The following PPFIA2 variants were observed in gnomAD, a reference collection of about 807,000 sequenced individuals.
PPFIA2 encodes the protein liprin-alpha-2.
A neutral mutation model predicts 175.5 loss-of-function variants in PPFIA2; 46 were observed. That is an observed-to-expected ratio of 0.26 (90% CI 0.21 to 0.34). The LOEUF is 0.34. PPFIA2 is among the 10% of genes least tolerant of loss of function. The probability of loss-of-function intolerance (pLI) is 1.00; values close to 1 mark genes in which losing one functional copy is unlikely to be tolerated. For synonymous variants in PPFIA2, 568 were observed against 511.4 expected (o/e 1.11, Z -1.49); for missense variants, 1,179 against 1,506.1 (o/e 0.78, Z 3.60).
chr12:81,349,673 C>T (rs544489313), intron 17 of PPFIA2, among the ~76,000 whole-genome samples: 11 of 152,162 alleles, frequency 7.2e-5, no homozygotes, highest in South Asian at 2.1e-4. Context: ...TTATGCTGTA[C>T]ACAGAAATTT....
At chr12:81,350,869 G>A (rs1225174181) in intron 17 of PPFIA2, among the ~76,000 whole-genome samples, 2 of 152,000 alleles carry the variant, frequency 1.3e-5, no homozygotes, top group Non-Finnish European at 2.9e-5. Context: ...AATAGTAGAA[G>A]GAAGCCAACT....
chr12:81,423,708 C>A lies in PPFIA2; in HGVS notation c.645+16264G>T, dbSNP rs548928407. On this transcript the variant is annotated intron_variant, in intron 7 of 32. Coordinates refer to ENST00000549396, the MANE Select transcript of PPFIA2 (RefSeq NM_003625.5). ...CACAAGAAAAGGATGCCCACTTTTA[C>A]TACTTCTTTTTGACATAGTACTGAA... 2.6e-5 allele frequency among the ~76,000 whole-genome samples: 4 copies of A among 152,240 alleles called. No homozygotes were observed. In the South Asian group the frequency reaches 6.2e-4, roughly 24 times the overall value.
chr12:81,336,616 C>T (rs1257231458), intron 21 of PPFIA2, among the ~76,000 whole-genome samples: 2 of 152,150 alleles, frequency 1.3e-5, no homozygotes, highest in African/African-American at 2.4e-5. Context: ...TACAGCTTTC[C>T]CTTTCCACAC....
At chr12:81,605,388 A>C (rs2060187653) in intron 4 of PPFIA2, among the ~76,000 whole-genome samples, 1 of 151,744 alleles carries the variant, frequency 6.6e-6, no homozygotes, top group Non-Finnish European at 1.5e-5. Context: ...GAAAGTAGGT[A>C]AATGGGAAAG....
At chr12:81,744,013 A>T (rs947116543) in intron 3 of PPFIA2, among the ~76,000 whole-genome samples, 1 of 152,208 alleles carries the variant, frequency 6.6e-6, no homozygotes, top group Admixed American at 6.5e-5. Flanking sequence ...TAGCAAAATA[A>T]TACAACAGAT....
rs150565698 is a variant in PPFIA2, at chr12:81,338,062, C to T, written c.2548+1118G>A. Among the ~76,000 whole-genome samples, 6 of 152,218 alleles carry T rather than the reference C, an allele frequency of 3.9e-5. No homozygotes were observed. In the East Asian group the frequency reaches 1.2e-3, roughly 29 times the overall value. ...CTTCCGATGCTTTCTGTGGGTTTCA[C>T]ACTATGGAAGCCAGGAAAGGCATTT... is the stretch of plus-strand genomic sequence containing the variant. On this transcript the variant is annotated intron_variant, in intron 21 of 32. Coordinates refer to ENST00000549396, the MANE Select transcript of PPFIA2 (RefSeq NM_003625.5).
At chr12:81,675,897 G>A (rs953613914) in intron 4 of PPFIA2, among the ~76,000 whole-genome samples, 1 of 151,960 alleles carries the variant, frequency 6.6e-6, no homozygotes, top group Non-Finnish European at 1.5e-5. Context: ...ACATTTTTTA[G>A]CCATACTTTA....
intron 4 of PPFIA2, among the ~76,000 whole-genome samples, chr12:81,514,914 C>A (rs2062219546): frequency 6.6e-6 from 1 of 151,886 alleles, no homozygotes; most frequent in Non-Finnish European, 1.5e-5. Context: ...AGAGAAGAAT[C>A]TCTGGTGGAT....
intron 12 of PPFIA2, 123 bp downstream of exon 12, chr12:81,368,988 G>T: frequency 7.8e-7 from 1 of 1,279,778 alleles, no homozygotes; most frequent in Non-Finnish European, 1.1e-6. Flanking sequence ...TTTTATTCAA[G>T]TCAACAGGTC....
rs144820585 is a variant in PPFIA2, at chr12:81,661,592, T to C, written c.303+15199A>G. 4.1e-3 allele frequency among the ~76,000 whole-genome samples: 628 copies of C among 152,184 alleles called. 5 individuals are homozygous for C. Among genetic ancestry groups the C allele is most frequent in the African/African-American group, 0.014 (578 of 41,516 alleles). On this transcript the variant is annotated intron_variant, in intron 4 of 32. Coordinates refer to ENST00000549396, the MANE Select transcript of PPFIA2 (RefSeq NM_003625.5). ...CAAAGAGACTTAGACTCCCACACAA[T>C]AATTATGGGAGACTTTAACACCCCA...
At chr12:81,262,089 A>G in intron 31 of PPFIA2, 49 bp from the exon 32 acceptor site, 1 of 1,222,778 alleles carries the variant, frequency 8.2e-7, no homozygotes, top group Non-Finnish European at 1.2e-6. Context: ...ATTGAGTACA[A>G]GATTTCAGAT....
chr12:81,717,971 G>A (rs1302492775), intron 3 of PPFIA2, among the ~76,000 whole-genome samples: 1 of 151,570 alleles, frequency 6.6e-6, no homozygotes, highest in South Asian at 2.1e-4. Context: ...GCTGTACTCT[G>A]AGGCAAGGGG....
chr12:81,302,815 G>A (rs1594334315), intron 22 of PPFIA2: 2 of 345,174 alleles, frequency 5.8e-6, no homozygotes, highest in South Asian at 2.3e-5. Context: ...TTTATAAAAG[G>A]CATATATCTA....
intron 3 of PPFIA2, among the ~76,000 whole-genome samples, chr12:81,745,894 G>A (rs988344553): frequency 3.9e-5 from 6 of 152,160 alleles, no homozygotes; most frequent in Non-Finnish European, 8.8e-5. Flanking sequence ...AGGTGAGCAG[G>A]AACTGCTCTC....
chr12:81,607,689 C>T (rs2060470761), intron 4 of PPFIA2, among the ~76,000 whole-genome samples: 1 of 152,032 alleles, frequency 6.6e-6, no homozygotes, highest in Non-Finnish European at 1.5e-5. Flanking sequence ...TTTCTAGTAG[C>T]CTTTTGGCAG....
At chr12:81,415,580 T>TA (rs1209418423) in intron 7 of PPFIA2, among the ~76,000 whole-genome samples, 2 of 150,596 alleles carry the variant, frequency 1.3e-5, no homozygotes, top group Non-Finnish European at 3.0e-5. Flanking sequence ...TTATAATGAT[T>TA]AAAAAATCCT....
chr12:81,600,108 G>A (rs899153819), intron 4 of PPFIA2, among the ~76,000 whole-genome samples: 1 of 151,898 alleles, frequency 6.6e-6, no homozygotes, highest in Non-Finnish European at 1.5e-5. Flanking sequence ...CCTCAACAGG[G>A]TTGGTAAGAA....
intron 19 of PPFIA2, among the ~76,000 whole-genome samples, chr12:81,341,467 G>T (rs2058065146): frequency 6.6e-6 from 1 of 151,692 alleles, no homozygotes; most frequent in Non-Finnish European, 1.5e-5. Flanking sequence ...AAACACCATA[G>T]ATCAAGCTTT....
intron 7 of PPFIA2, among the ~76,000 whole-genome samples, chr12:81,407,698 T>C (rs1042422365): frequency 2.6e-5 from 4 of 152,062 alleles, no homozygotes; most frequent in Non-Finnish European, 2.9e-5. Flanking sequence ...ACTGAGGAAT[T>C]TGATGATCTT....
Sources: allele counts gnomAD v4.1 joint callset (sites outside exome capture counted in the v4.1 genomes callset), GRCh38; gene constraint gnomAD v4.1.1; transcripts MANE v1.5; gene names NCBI Gene and HGNC (gene_info 2026-07-23, HGNC 2026-07-21).